The following WRN variants were observed in gnomAD, a reference collection of about 807,000 sequenced individuals.
WRN encodes the protein bifunctional 3'-5' exonuclease/ATP-dependent helicase WRN.
WRN carries 149 observed loss-of-function variants against 180.7 expected under a neutral mutation model. That is an observed-to-expected ratio of 0.82 (90% CI 0.72 to 0.94). The LOEUF is 0.94. WRN is among the 40% of genes least tolerant of loss of function. WRN has a pLI of 0.00. For synonymous variants in WRN, 548 were observed against 568.9 expected, an observed-to-expected ratio of 0.96 and a Z score of 0.52; for missense variants, 1,661 against 1,700.1, an observed-to-expected ratio of 0.98 and a Z score of 0.40.
At chr8:31,111,021 A>G (rs1219557685) in intron 18 of WRN, among the ~76,000 whole-genome samples, 2 of 152,166 alleles carry the variant, frequency 1.3e-5, no homozygotes, top group African/African-American at 2.4e-5. Flanking sequence ...TCAATTAATA[A>G]TACGTTTCAT....
intron 34 of WRN, among the ~76,000 whole-genome samples, chr8:31,168,323 C>G (rs1357558013): frequency 6.6e-6 from 1 of 152,112 alleles, no homozygotes; most frequent in Non-Finnish European, 1.5e-5. Context: ...ACCTAAGACC[C>G]TCTTATTGTT....
rs1813600127 is a variant in WRN at position 31,087,920 on chromosome 8, G to T, written c.1576G>T (p.Asp526Tyr). ...ANEGEEDDDK[D>Y]FLWPAPNEEQ... The stretch of plus-strand genomic sequence containing the variant: ...TGAAGGGGAAGAAGATGATGATAAG[G>T]GTAAGCACTGAAGTATGTTTGAAAT... The change falls in exon 12 of 35, where the codon GAC becomes TAC. Residue 526 changes from aspartate (D) to tyrosine (Y), a missense_variant and splice_region_variant. Around this residue, in one of 3 missense-constraint regions of WRN, gnomAD observed 1,141 missense variants for 1,149.4 expected, o/e 0.99. Transcript: ENST00000298139. 6.2e-7 allele frequency: 1 copy of T among 1,612,396 alleles called. No homozygotes were observed. The highest frequency in any genetic ancestry group is 8.5e-7 in the Non-Finnish European group (1 of 1,179,186).
intron 31 of WRN, among the ~76,000 whole-genome samples, chr8:31,151,529 A>G (rs1331097655): frequency 6.6e-6 from 1 of 152,204 alleles, no homozygotes; most frequent in African/African-American, 2.4e-5. Context: ...GTTTTTGGAA[A>G]TGAAATTATA....
At chr8:31,056,167 T>G (rs1214159011) in intron 1 of WRN, among the ~76,000 whole-genome samples, 1 of 152,234 alleles carries the variant, frequency 6.6e-6, no homozygotes, top group Non-Finnish European at 1.5e-5. Flanking sequence ...GTAAATGAAT[T>G]ACTTACAAAA....
chr8:31,053,355 T>C (rs1812148057), intron 1 of WRN, among the ~76,000 whole-genome samples: 1 of 152,232 alleles, frequency 6.6e-6, no homozygotes, highest in Non-Finnish European at 1.5e-5. Context: ...GAAGCAGTTG[T>C]AAATTAAAAC....
rs554036292 is a variant in WRN at position 31,142,714 on chromosome 8, G to T, written c.3309+13G>T. ...TACAGAGAAGAAGGTTTGTTTTAAA[G>T]AAATTGTTCTGATTTATTTCATTCT... On this transcript the variant is annotated intron_variant, in intron 27 of 34. Transcript: ENST00000298139. The T allele has an allele frequency of 2.5e-4, 398 of 1,582,824 alleles. 2 individuals carry two copies. In the South Asian group the frequency reaches 4.2e-3, roughly 17 times the overall value.
Position 31,176,098 on chromosome 8 carries a change from T to C in WRN, c.*2996T>C, listed in dbSNP as rs760745536. ...CATGAATTATGTACCTTACTTCATA[T>C]TGTTGGACATTAAAGTTGCTTTCAG... On this transcript the variant is annotated 3_prime_UTR_variant, in exon 35 of 35. Coordinates refer to ENST00000298139, the MANE Select transcript of WRN (RefSeq NM_000553.6). 8.5e-5 allele frequency among the ~76,000 whole-genome samples: 13 copies of C among 152,212 alleles called. No homozygotes were observed. Among genetic ancestry groups the C allele is most frequent in the Non-Finnish European group, 1.8e-4 (12 of 68,038 alleles).
intron 30 of WRN, 78 bp from the exon 31 acceptor site, chr8:31,150,263 C>A: frequency 8.6e-7 from 1 of 1,167,134 alleles, no homozygotes; most frequent in Non-Finnish European, 1.3e-6. Flanking sequence ...AGCTGAACAT[C>A]AGCTATATTG....
chr8:31,059,539 GT>G (rs1176960446), intron 3 of WRN, among the ~76,000 whole-genome samples: 1 of 151,992 alleles, frequency 6.6e-6, no homozygotes, highest in Non-Finnish European at 1.5e-5. Flanking sequence ...GAGCACGACA[GT>G]TTTTTAACTT....
chr8:31,059,515 T>C (rs1812404925), intron 3 of WRN, among the ~76,000 whole-genome samples: 1 of 152,202 alleles, frequency 6.6e-6, no homozygotes, highest in South Asian at 2.1e-4. Context: ...TTTTAATATA[T>C]GTGCTGCTGA....
At position 31,108,671 on chromosome 8, in the gene WRN, A is replaced by G. The variant is rs61746808; in HGVS notation, c.2089-2944A>G. 0.033 allele frequency among the ~76,000 whole-genome samples: 4,956 copies of G among 152,160 alleles called. 276 individuals carry two copies. Among genetic ancestry groups the G allele is most frequent in the African/African-American group, 0.11 (4,751 of 41,492 alleles). On this transcript the variant is annotated intron_variant, in intron 18 of 34. Coordinates refer to ENST00000298139, the MANE Select transcript of WRN (RefSeq NM_000553.6). ...AAAAAAATCCCCTTGTGACCTGGGT[A>G]CATTTTGCAAAGCCACAGGTTTGCA...
At chr8:31,114,051 A>C (rs1357663822) in intron 19 of WRN, among the ~76,000 whole-genome samples, 2 of 152,118 alleles carry the variant, frequency 1.3e-5, no homozygotes, top group Non-Finnish European at 2.9e-5. Context: ...TCCTCCAAGA[A>C]GACTTAGGAT....
In WRN at chr8:31,167,241, T is replaced by C. The variant is rs1803935368; in HGVS notation, c.4191+11T>C. ...GGCATCAATACTGAGGTATTAATTATATATAGAATTTTCATAAAGTGTCAG... is the reference window on the plus strand; with the variant it reads ...GGCATCAATACTGAGGTATTAATTACATATAGAATTTTCATAAAGTGTCAG... On this transcript the variant is annotated intron_variant, in intron 34 of 34. Transcript: ENST00000298139. 2.5e-6 allele frequency: 4 copies of C among 1,603,122 alleles called. No homozygotes were observed. The highest frequency in any genetic ancestry group is 3.4e-6 in the Non-Finnish European group (4 of 1,172,614).
intron 24 of WRN, among the ~76,000 whole-genome samples, chr8:31,134,380 C>T (rs114701336): frequency 0.012 from 1,882 of 152,162 alleles, 42 homozygotes; most frequent in African/African-American, 0.043. Context: ...ATAATTCTGT[C>T]TTACACAAGA....
intron 7 of WRN, among the ~76,000 whole-genome samples, chr8:31,069,340 C>T (rs1812824245): frequency 1.3e-5 from 2 of 152,188 alleles, no homozygotes; most frequent in South Asian, 4.1e-4. Flanking sequence ...TGGAGAGCCA[C>T]TTCCTATGAA....
intron 24 of WRN, among the ~76,000 whole-genome samples, chr8:31,139,611 C>T (rs1027609123): frequency 1.3e-5 from 2 of 152,176 alleles, no homozygotes; most frequent in African/African-American, 2.4e-5. Context: ...CCTTTGCATG[C>T]TCTGCAAACC....
At position 31,087,612 on chromosome 8, in the gene WRN, A is replaced by G. The variant is rs1813581557; in HGVS notation, c.1432-164A>G. 7.8e-6 allele frequency: 5 copies of G among 640,168 alleles called. No individual in the cohort carries two copies. In the Admixed American group the frequency reaches 1.3e-4, roughly 17 times the overall value. 39.7% of individuals were successfully genotyped at this position (640,168 alleles called of 1,614,324 possible). Reference sequence around the variant, plus strand: ...TGCGCCTTAGAAACCATTCATGAGCACATATTTAAACCGGAGCACACATGT... The same window carrying G: ...TGCGCCTTAGAAACCATTCATGAGCGCATATTTAAACCGGAGCACACATGT... On this transcript the variant is annotated intron_variant, in intron 11 of 34. Coordinates refer to ENST00000298139, the MANE Select transcript of WRN (RefSeq NM_000553.6).
chr8:31,118,201 A>G (rs1801589322), intron 20 of WRN, among the ~76,000 whole-genome samples: 1 of 152,156 alleles, frequency 6.6e-6, no homozygotes, highest in South Asian at 2.1e-4. Context: ...AGGAAACTTC[A>G]CAATGATCAT....
intron 9 of WRN, among the ~76,000 whole-genome samples, chr8:31,081,692 T>C (rs1813319158): frequency 6.6e-6 from 1 of 152,226 alleles, no homozygotes; most frequent in Admixed American, 6.5e-5. Flanking sequence ...TCTTCATATC[T>C]ACTAGTGTTT....
Sources: allele counts gnomAD v4.1 joint callset (sites outside exome capture counted in the v4.1 genomes callset), GRCh38; gene constraint gnomAD v4.1.1; regional missense constraint gnomAD v4.1.1; transcripts MANE v1.5; gene names NCBI Gene and HGNC (gene_info 2026-07-23, HGNC 2026-07-21).